The following PIP5K1C variants were observed in gnomAD, a reference collection of about 807,000 sequenced individuals.
The protein encoded by PIP5K1C is phosphatidylinositol-4-phosphate 5-kinase type 1 gamma, also known as phosphatidylinositol 4-phosphate 5-kinase type-1 gamma.
PIP5K1C carries 45 observed loss-of-function variants against 80.1 expected under a neutral mutation model. The observed-to-expected ratio is 0.56, with a 90% CI of 0.44 to 0.72. PIP5K1C has a LOEUF of 0.72. PIP5K1C is among the 30% of genes least tolerant of loss of function. PIP5K1C has a pLI of 0.00. For synonymous variants in PIP5K1C, 498 were observed against 420.1 expected (o/e 1.19, Z -2.27); for missense variants, 753 against 954.6 (o/e 0.79, Z 2.78).
In PIP5K1C at chr19:3,696,643, C is replaced by G. The variant is rs1383178795; in HGVS notation, c.94+3654G>C. 6.8e-6 allele frequency among the ~76,000 whole-genome samples: 1 copy of G among 147,862 alleles called. No homozygotes were observed. Among genetic ancestry groups the G allele is most frequent in the East Asian group, 2.0e-4 (1 of 5,014 alleles). On this transcript the variant is annotated intron_variant, in intron 1 of 17. Coordinates refer to ENST00000335312, the MANE Select transcript of PIP5K1C (RefSeq NM_012398.3). This position sits in a 1 kb window ranked among gnomAD's most constrained non-coding sequence, Gnocchi z 4.1. Reference sequence around the variant, plus strand: ...GGGCAGCCGTGCAAAGGCCCCGGGGCAGGACCATGCCCTGCATGCTGGAGG... The same window carrying G: ...GGGCAGCCGTGCAAAGGCCCCGGGGGAGGACCATGCCCTGCATGCTGGAGG...
In PIP5K1C at chr19:3,653,383, C is replaced by T. The variant is rs2034518447; in HGVS notation, c.828G>A (p.Lys276=). Residue 276 remains lysine, a synonymous_variant, in exon 7 of 18, where the codon AAG becomes AAA. Coordinates refer to ENST00000335312, the MANE Select transcript of PIP5K1C (RefSeq NM_012398.3). ...KEKEKSFPTY[K]DLDFMQDMPE... ...GCATGTCCTGCATGAAGTCCAGGTC[C>T]TTGTAGGTGGGGAAGCTCTTCTCCT... 26 of 1,612,934 alleles carry T rather than the reference C, an allele frequency of 1.6e-5. No individual in the cohort carries two copies. Among genetic ancestry groups the T allele is most frequent in the Non-Finnish European group, 2.2e-5 (26 of 1,180,030 alleles).
chr19:3,665,045 C>T, intron 2 of PIP5K1C, 131 bp from the exon 3 acceptor site: 1 of 765,354 alleles, frequency 1.3e-6, no homozygotes, highest in Admixed American at 2.0e-5. Flanking sequence ...GGGGGCAGGT[C>T]CAGGCGACTC....
At chr19:3,663,051 A>C (rs1182788417) in intron 3 of PIP5K1C, among the ~76,000 whole-genome samples, 2 of 152,120 alleles carry the variant, frequency 1.3e-5, no homozygotes, top group Non-Finnish European at 2.9e-5. Context: ...TTTTTAGTAC[A>C]GACAAGGTTG....
At chr19:3,680,666 A>G (rs997873215) in intron 1 of PIP5K1C, among the ~76,000 whole-genome samples, 4 of 152,260 alleles carry the variant, frequency 2.6e-5, no homozygotes, top group Admixed American at 6.5e-5. Context: ...ATCACATAAA[A>G]GACACCCATC....
rs570004823 is a variant in PIP5K1C, at chr19:3,695,658, G to A, written c.94+4639C>T. Among the ~76,000 whole-genome samples the A allele has an allele frequency of 1.2e-3, 186 of 151,976 alleles. 2 individuals carry two copies. Among genetic ancestry groups the A allele is most frequent in the African/African-American group, 4.4e-3 (181 of 41,452 alleles). ...GGCGGGAGAGAATGGGGAACTTTCCGTCCCCAGTGTCCTCAGCCTCCGCCT... is the reference window on the plus strand; with the variant it reads ...GGCGGGAGAGAATGGGGAACTTTCCATCCCCAGTGTCCTCAGCCTCCGCCT... On this transcript the variant is annotated intron_variant, in intron 1 of 17. Transcript: ENST00000335312.
chr19:3,672,009 C>T (rs972925676), intron 1 of PIP5K1C, among the ~76,000 whole-genome samples: 2 of 152,160 alleles, frequency 1.3e-5, no homozygotes, highest in African/African-American at 4.8e-5. Flanking sequence ...TGGCCAGGCC[C>T]GAGGCGGGGG....
In PIP5K1C at chr19:3,683,581, C is replaced by T. The variant is rs571487614; in HGVS notation, c.95-16228G>A. On this transcript the variant is annotated intron_variant, in intron 1 of 17. Coordinates refer to ENST00000335312, the MANE Select transcript of PIP5K1C (RefSeq NM_012398.3). ...TATTACTGCTCCCATTATGCAGAGG[C>T]GGAAACTGAGGCTCAGAGAGGTCAG... is the stretch of plus-strand genomic sequence containing the variant. Among the ~76,000 whole-genome samples the T allele has an allele frequency of 2.0e-3, 306 of 152,300 alleles. 3 individuals carry two copies. The highest frequency in any genetic ancestry group is 6.8e-3 in the African/African-American group (282 of 41,546).
chr19:3,656,851 C>T (rs1208748499), intron 5 of PIP5K1C, among the ~76,000 whole-genome samples: 2 of 152,200 alleles, frequency 1.3e-5, no homozygotes, highest in Non-Finnish European at 2.9e-5. Flanking sequence ...TGCTGACGCG[C>T]GTGGCTAAAA....
intron 1 of PIP5K1C, among the ~76,000 whole-genome samples, chr19:3,691,155 C>T (rs1440012290): frequency 6.6e-6 from 1 of 152,206 alleles, no homozygotes. Context: ...CTCTGAGTCA[C>T]AAGAAGACGA....
intron 6 of PIP5K1C, among the ~76,000 whole-genome samples, chr19:3,654,240 G>A (rs1408957562): frequency 6.6e-6 from 1 of 152,202 alleles, no homozygotes; most frequent in South Asian, 2.1e-4. Flanking sequence ...GCGCAGTGAC[G>A]AGTCTGGGTC....
intron 1 of PIP5K1C, among the ~76,000 whole-genome samples, chr19:3,672,300 A>T (rs2035233201): frequency 6.6e-6 from 1 of 152,228 alleles, no homozygotes; most frequent in African/African-American, 2.4e-5. Flanking sequence ...TGGCCCTGCC[A>T]GTGCTCCCTG....
chr19:3,668,098 G>A (rs927305420), intron 1 of PIP5K1C, among the ~76,000 whole-genome samples: 2 of 151,846 alleles, frequency 1.3e-5, no homozygotes, highest in Non-Finnish European at 2.9e-5. Context: ...GGCCTGGGCC[G>A]CAGCTCCAGA....
chr19:3,667,728 T>C (rs1249878851), intron 1 of PIP5K1C, among the ~76,000 whole-genome samples: 3 of 152,228 alleles, frequency 2.0e-5, no homozygotes, highest in Non-Finnish European at 2.9e-5. Context: ...CCCCCGGCTC[T>C]GACCCCCTTC....
At chr19:3,665,994 G>A (rs560581747) in intron 2 of PIP5K1C, among the ~76,000 whole-genome samples, 44 of 152,256 alleles carry the variant, frequency 2.9e-4, no homozygotes, top group African/African-American at 1.0e-3. Context: ...ACGCTGCTCA[G>A]CCATGTTCCC....
chr19:3,644,391 A>C, intron 11 of PIP5K1C, 140 bp from the exon 12 acceptor site: 1 of 836,866 alleles, frequency 1.2e-6, no homozygotes. Context: ...GAAGCACCAC[A>C]ACCTCTTGGT....
intron 4 of PIP5K1C, among the ~76,000 whole-genome samples, chr19:3,661,505 C>T (rs568345044): frequency 3.2e-4 from 48 of 152,326 alleles, no homozygotes; most frequent in African/African-American, 1.0e-3. Flanking sequence ...TTGGCAGCCA[C>T]CTGGGACCAC....
chr19:3,640,402 G>A (rs1266243419), intron 15 of PIP5K1C, among the ~76,000 whole-genome samples: 1 of 152,076 alleles, frequency 6.6e-6, no homozygotes, highest in East Asian at 1.9e-4. Flanking sequence ...TGTAATCCCA[G>A]CTACTCGGGA....
intron 9 of PIP5K1C, among the ~76,000 whole-genome samples, chr19:3,647,916 C>T (rs1041221817): frequency 6.6e-6 from 1 of 152,238 alleles, no homozygotes; most frequent in Admixed American, 6.5e-5. Context: ...CAATGCTCTT[C>T]GGCCTGAGTG....
intron 15 of PIP5K1C, among the ~76,000 whole-genome samples, chr19:3,640,493 G>T (rs2033915225): frequency 6.6e-6 from 1 of 152,144 alleles, no homozygotes. Flanking sequence ...TCCAGCCTGG[G>T]CAACAGAGCG....
Sources: gnomAD v4.1 joint callset for allele counts (sites outside exome capture counted in the v4.1 genomes callset) on GRCh38, gnomAD v4.1.1 for gene constraint, Gnocchi (gnomAD v3.1) non-coding constraint, MANE v1.5 for transcripts, NCBI Gene and HGNC (gene_info 2026-07-23, HGNC 2026-07-21) for gene names.